SRPK2: variants seen among roughly 807,000 people sequenced by gnomAD.
SRPK2 encodes SFRS protein kinase 2.
In SRPK2, 21 loss-of-function variants were observed where a neutral mutation model predicts 90.8. That is an observed-to-expected ratio of 0.23 (90% CI 0.16 to 0.33). The LOEUF is 0.33. Ranked by LOEUF, SRPK2 falls within the 10% of genes least tolerant of loss-of-function variation. SRPK2 has a pLI of 1.00. For synonymous variants in SRPK2, 288 were observed against 311.1 expected (o/e 0.93, Z 0.78); for missense variants, 620 against 869.0 (o/e 0.71, Z 3.60).
intron 2 of SRPK2, among the ~76,000 whole-genome samples, chr7:105,339,553 ACT>A (rs1385589991): frequency 6.6e-6 from 1 of 152,262 alleles, no homozygotes; most frequent in African/African-American, 2.4e-5. Context: ...AGTCCTGAAC[ACT>A]GAGTGACAAT....
intron 2 of SRPK2, among the ~76,000 whole-genome samples, chr7:105,215,348 G>C (rs1797331019): frequency 6.6e-6 from 1 of 152,072 alleles, no homozygotes; most frequent in African/African-American, 2.4e-5. Flanking sequence ...CAGATAACGA[G>C]ACGTCAGTGA....
In SRPK2 at chr7:105,351,187, G is replaced by A. The variant is rs147966641; in HGVS notation, c.71+37461C>T. ...GGCTTTATAAGAGGAAGAGACCTGA[G>A]CTAGCACACTCAGCCCCCTAACCAT... On this transcript the variant is annotated intron_variant, in intron 2 of 15. Coordinates refer to ENST00000393651, the MANE Select transcript of SRPK2 (RefSeq NM_182692.3). Among the ~76,000 whole-genome samples the A allele has an allele frequency of 1.9e-3, 282 of 152,144 alleles. 1 individual carries two copies. The highest frequency in any genetic ancestry group is 6.5e-3 in the African/African-American group (270 of 41,490).
intron 2 of SRPK2, among the ~76,000 whole-genome samples, chr7:105,232,674 C>T (rs1293974301): frequency 6.6e-6 from 1 of 150,596 alleles, no homozygotes; most frequent in East Asian, 1.9e-4. Context: ...AAATCAGACC[C>T]TTTTCAAATA....
intron 3 of SRPK2, among the ~76,000 whole-genome samples, chr7:105,184,332 T>G (rs1793296703): frequency 6.6e-6 from 1 of 152,134 alleles, no homozygotes; most frequent in Non-Finnish European, 1.5e-5. Context: ...GACACAGCTA[T>G]TTCTCTCTTT....
intron 3 of SRPK2, among the ~76,000 whole-genome samples, chr7:105,181,870 T>G: frequency 1.1e-5 from 1 of 91,640 alleles, no homozygotes; most frequent in African/African-American, 3.5e-5. Flanking sequence ...CCCCTGAACC[T>G]AAGATAAAAG....
At chr7:105,159,660 G>A (rs930591423) in intron 7 of SRPK2, among the ~76,000 whole-genome samples, 1 of 152,022 alleles carries the variant, frequency 6.6e-6, no homozygotes, top group African/African-American at 2.4e-5. Context: ...TGCTAATTAG[G>A]AGGAGTTCTT....
intron 7 of SRPK2, 42 bp downstream of exon 7, chr7:105,160,465 A>C: frequency 8.6e-7 from 1 of 1,169,286 alleles, no homozygotes; most frequent in Non-Finnish European, 1.3e-6. Flanking sequence ...AAGCCTAACC[A>C]ATTAGGTACT....
chr7:105,147,100 T>C (rs1804749243), intron 7 of SRPK2, among the ~76,000 whole-genome samples: 1 of 152,198 alleles, frequency 6.6e-6, no homozygotes, highest in African/African-American at 2.4e-5. Flanking sequence ...TTTTCTCTTC[T>C]TTATGATTGT....
intron 15 of SRPK2, among the ~76,000 whole-genome samples, chr7:105,123,113 T>C (rs959910450): frequency 6.6e-6 from 1 of 152,110 alleles, no homozygotes. Context: ...CTGATTTCTA[T>C]TGGACCACCT....
chr7:105,115,188 T>C (rs1799555234), downstream of SRPK2: 1 of 152,156 alleles, frequency 6.6e-6, no homozygotes, highest in Non-Finnish European at 1.5e-5. Flanking sequence ...ATTCAAGTTA[T>C]TTAAAAGGGG....
downstream of SRPK2, chr7:105,115,402 G>C (rs983531780): frequency 6.6e-6 from 1 of 152,096 alleles, no homozygotes; most frequent in Non-Finnish European, 1.5e-5. Context: ...CTCTGCCTTT[G>C]GGCAGTTCTG....
intron 2 of SRPK2, among the ~76,000 whole-genome samples, chr7:105,207,097 T>A (rs904421181): frequency 1.3e-5 from 2 of 152,162 alleles, no homozygotes; most frequent in Admixed American, 6.5e-5. Context: ...AGGGCAGAAA[T>A]AGAGAAGAGA....
chr7:105,334,585 C>T (rs1487305387), intron 2 of SRPK2, among the ~76,000 whole-genome samples: 1 of 151,996 alleles, frequency 6.6e-6, no homozygotes, highest in Non-Finnish European at 1.5e-5. Flanking sequence ...CATCTGTAAT[C>T]CCAGTACTTT....
intron 2 of SRPK2, among the ~76,000 whole-genome samples, chr7:105,314,120 C>T (rs1008204192): frequency 2.6e-5 from 4 of 151,974 alleles, no homozygotes. Flanking sequence ...AATTTGAGGC[C>T]AGGAGCTAGA....
At chr7:105,363,523 A>T (rs1818674818) in intron 2 of SRPK2, among the ~76,000 whole-genome samples, 1 of 152,214 alleles carries the variant, frequency 6.6e-6, no homozygotes, top group African/African-American at 2.4e-5. Context: ...AAAAGTCAGG[A>T]AACAACACGT....
chr7:105,280,277 T>G (rs1474455957), intron 2 of SRPK2, among the ~76,000 whole-genome samples: 2 of 151,986 alleles, frequency 1.3e-5, no homozygotes, highest in Non-Finnish European at 2.9e-5. Context: ...TAGCCGGGTG[T>G]GGTGGTGCAC....
At chr7:105,168,824 GA>G (rs1352720923) in intron 4 of SRPK2, among the ~76,000 whole-genome samples, 1 of 142,946 alleles carries the variant, frequency 7.0e-6, no homozygotes, top group African/African-American at 2.5e-5. Flanking sequence ...TCATGGCTTT[GA>G]AAAGTTAAAA....
intron 2 of SRPK2, chr7:105,301,452 G>A (rs527867919): frequency 2.4e-5 from 21 of 858,256 alleles, no homozygotes; most frequent in African/African-American, 1.0e-4. Flanking sequence ...CCTCTGGGCC[G>A]CTGCCCTCGC....
chr7:105,395,242 C>T (rs898188555), intron 1 of SRPK2, among the ~76,000 whole-genome samples: 2 of 151,950 alleles, frequency 1.3e-5, no homozygotes, highest in Non-Finnish European at 2.9e-5. Flanking sequence ...GTAACTCTAG[C>T]ACTTTGAAAG....
Sources: gnomAD v4.1 joint callset for allele counts (sites outside exome capture counted in the v4.1 genomes callset) on GRCh38, gnomAD v4.1.1 for gene constraint, MANE v1.5 for transcripts, NCBI Gene and HGNC (gene_info 2026-07-23, HGNC 2026-07-21) for gene names.